GABRA3: variants seen among roughly 807,000 people sequenced by gnomAD.
GABRA3 encodes the protein gamma-aminobutyric acid type A receptor subunit alpha3, also known as gamma-aminobutyric acid receptor subunit alpha-3.
Under a neutral mutation model 30.1 loss-of-function variants are expected in GABRA3, and 10 were observed. That is an observed-to-expected ratio of 0.33 (90% CI 0.20 to 0.56). GABRA3 has a LOEUF of 0.56. GABRA3 is among the 20% of genes least tolerant of loss of function. The pLI is 0.89. For missense variants in GABRA3, 233 were observed against 392.0 expected, an observed-to-expected ratio of 0.59 and a Z score of 3.42; for synonymous variants, 151 against 146.8, an observed-to-expected ratio of 1.03 and a Z score of -0.21.
intron 9 of GABRA3, among the ~76,000 whole-genome samples, chrX:152,187,550 C>T: frequency 8.9e-6 from 1 of 111,752 alleles, no homozygotes; most frequent in Non-Finnish European, 1.9e-5. Flanking sequence ...TACACAAACA[C>T]ACACAGAGAC....
At chrX:152,225,432 GCACACA>G (rs60046142) in intron 5 of GABRA3, among the ~76,000 whole-genome samples, 74 of 96,509 alleles carry the variant, frequency 7.7e-4, no homozygotes, top group East Asian at 1.3e-3. Flanking sequence ...ACACACACAC[GCACACA>G]CACACACACA....
chrX:152,256,806 T>C (rs1938644397), intron 4 of GABRA3, among the ~76,000 whole-genome samples: 2 of 111,589 alleles, frequency 1.8e-5, no homozygotes, highest in Admixed American at 9.5e-5. Flanking sequence ...AAACCTAAGG[T>C]GAGTTTACCT....
intron 3 of GABRA3, among the ~76,000 whole-genome samples, chrX:152,295,416 C>T (rs1295297632): frequency 8.8e-6 from 1 of 113,057 alleles, no homozygotes; most frequent in Non-Finnish European, 1.9e-5. Flanking sequence ...GATGCCCCTC[C>T]CCCTGCCAGG....
intron 3 of GABRA3, among the ~76,000 whole-genome samples, chrX:152,308,340 T>C (rs759924977): frequency 1.6e-4 from 18 of 112,653 alleles, no homozygotes; most frequent in African/African-American, 5.5e-4. Context: ...CTGGCATGCA[T>C]ACGCACAAAC....
At chrX:152,383,636 G>A (rs1279567389) in intron 1 of GABRA3, among the ~76,000 whole-genome samples, 3 of 105,430 alleles carry the variant, frequency 2.8e-5, no homozygotes, top group South Asian at 4.2e-4. Context: ...AAATCCCTAC[G>A]ATCATCTCAA....
chrX:152,435,128 A>G (rs1302482347), intron 1 of GABRA3, among the ~76,000 whole-genome samples: 1 of 112,101 alleles, frequency 8.9e-6, no homozygotes, highest in Non-Finnish European at 1.9e-5. Flanking sequence ...TGTGTTTACT[A>G]CCAGACAGCA....
intron 3 of GABRA3, among the ~76,000 whole-genome samples, chrX:152,338,267 A>G (rs968420961): frequency 8.9e-6 from 1 of 111,917 alleles, no homozygotes; most frequent in Non-Finnish European, 1.9e-5. Context: ...TTCGATGTGC[A>G]CTTCCCTGAT....
chrX:152,176,626 T>TGAA (rs1238032906), intron 9 of GABRA3, among the ~76,000 whole-genome samples: 2 of 111,428 alleles, frequency 1.8e-5, no homozygotes, highest in Non-Finnish European at 3.8e-5. Context: ...TGGGAAGACT[T>TGAA]GAAGAAGAGC....
intron 2 of GABRA3, among the ~76,000 whole-genome samples, chrX:152,354,990 T>C (rs1215973418): frequency 1.8e-5 from 2 of 111,729 alleles, no homozygotes; most frequent in Non-Finnish European, 3.8e-5. Flanking sequence ...TGGCCACAGG[T>C]GACAGTTTAT....
At chrX:152,199,317 G>A (rs1473188673) in intron 7 of GABRA3, among the ~76,000 whole-genome samples, 3 of 104,078 alleles carry the variant, frequency 2.9e-5, no homozygotes, top group African/African-American at 1.0e-4. Context: ...AGTGAGCCAA[G>A]GTCGTGCCAC....
intron 3 of GABRA3, among the ~76,000 whole-genome samples, chrX:152,288,007 G>T (rs1413764878): frequency 1.8e-5 from 2 of 111,464 alleles, no homozygotes; most frequent in Non-Finnish European, 3.8e-5. Context: ...CCTTTTCAAT[G>T]AAAGTGAACA....
chrX:152,436,424 G>C (rs749463586), intron 1 of GABRA3, among the ~76,000 whole-genome samples: 1 of 111,560 alleles, frequency 9.0e-6, no homozygotes, highest in South Asian at 3.8e-4. Context: ...TCCATTTGTG[G>C]TAACCAAAAA....
chrX:152,273,746 T>C lies in GABRA3; in HGVS notation c.330+10922A>G, dbSNP rs181465900. Reference sequence around the variant, plus strand: ...GTAGGAGCTAAAAAGTTTGAGCTAATGAAGATAGAGAATAGAATGATGATT... The same window carrying C: ...GTAGGAGCTAAAAAGTTTGAGCTAACGAAGATAGAGAATAGAATGATGATT... On this transcript the variant is annotated intron_variant, in intron 4 of 9. Coordinates refer to ENST00000370314, the MANE Select transcript of GABRA3 (RefSeq NM_000808.4). Among the ~76,000 whole-genome samples the C allele has an allele frequency of 2.1e-3, 235 of 111,277 alleles. 2 individuals carry two copies. The highest frequency in any genetic ancestry group is 4.6e-3 in the Middle Eastern group (1 of 217).
intron 1 of GABRA3, among the ~76,000 whole-genome samples, chrX:152,380,648 T>C (rs1248944796): frequency 1.8e-5 from 2 of 111,967 alleles, no homozygotes. Flanking sequence ...ATTGTAGTTC[T>C]ATTCTTAGTT....
At chrX:152,283,892 A>C (rs145873932) in intron 4 of GABRA3, among the ~76,000 whole-genome samples, 205 of 112,262 alleles carry the variant, frequency 1.8e-3, no homozygotes, top group African/African-American at 6.1e-3. Context: ...ACAAAAACTT[A>C]TTGAACATCT....
chrX:152,434,175 G>A (rs750197877), intron 1 of GABRA3, among the ~76,000 whole-genome samples: 32 of 110,553 alleles, frequency 2.9e-4, no homozygotes, highest in African/African-American at 1.0e-3. Flanking sequence ...TTGAGTCAGC[G>A]GGCTGGGGAA....
intron 1 of GABRA3, among the ~76,000 whole-genome samples, chrX:152,383,150 G>C (rs1422486320): frequency 1.8e-5 from 2 of 109,211 alleles, no homozygotes; most frequent in Non-Finnish European, 3.8e-5. Context: ...ACTTTGGGAG[G>C]CCGAGGCAGG....
intron 3 of GABRA3, among the ~76,000 whole-genome samples, chrX:152,294,244 C>G (rs947305944): frequency 5.4e-5 from 6 of 111,468 alleles, no homozygotes; most frequent in African/African-American, 2.0e-4. Context: ...TCCATTCTCC[C>G]CATCACTTTC....
chrX:152,286,096 T>C (rs1264278021), intron 3 of GABRA3, among the ~76,000 whole-genome samples: 1 of 84,361 alleles, frequency 1.2e-5, no homozygotes, highest in African/African-American at 4.6e-5. Context: ...TACTTATAAA[T>C]AAGTTATATA....
Sources: gnomAD v4.1 joint callset for allele counts (sites outside exome capture counted in the v4.1 genomes callset) on GRCh38, gnomAD v4.1.1 for gene constraint, MANE v1.5 for transcripts, NCBI Gene and HGNC (gene_info 2026-07-23, HGNC 2026-07-21) for gene names.